The following TXLNB variants were observed in gnomAD, a reference collection of about 807,000 sequenced individuals.
TXLNB encodes beta-taxilin.
TXLNB carries 37 observed loss-of-function variants against 57.4 expected under a neutral mutation model. The ratio of observed to expected loss-of-function variants is 0.64; its 90% CI spans 0.50 to 0.85. The LOEUF (loss-of-function observed/expected upper bound fraction) is 0.85, where lower values mean the gene tolerates loss of function less well. TXLNB is among the 40% of genes least tolerant of loss of function. TXLNB has a pLI of 0.00. For synonymous variants in TXLNB, 302 were observed against 309.6 expected, an observed-to-expected ratio of 0.98 and a Z score of 0.26; for missense variants, 848 against 825.6, an observed-to-expected ratio of 1.03 and a Z score of -0.33.
At chr6:139,226,961 A>T in the TXLNB span, among the ~76,000 whole-genome samples, 1 of 152,168 alleles carries the variant, frequency 6.6e-6, no homozygotes, top group East Asian at 1.9e-4. Flanking sequence ...CAGGAGGTGG[A>T]AGTTGCCATG....
chr6:139,204,124 C>G, the TXLNB span, among the ~76,000 whole-genome samples: 1 of 151,910 alleles, frequency 6.6e-6, no homozygotes, highest in African/African-American at 2.4e-5. Flanking sequence ...GATCTCAGCT[C>G]ACTGCAACCT....
the TXLNB span, among the ~76,000 whole-genome samples, chr6:139,195,477 G>T: frequency 6.6e-6 from 1 of 152,134 alleles, no homozygotes; most frequent in Non-Finnish European, 1.5e-5. Flanking sequence ...TGCATAGCTA[G>T]AGTGTCTAAC....
At chr6:139,205,122 C>G in the TXLNB span, among the ~76,000 whole-genome samples, 1 of 152,234 alleles carries the variant, frequency 6.6e-6, no homozygotes, top group Non-Finnish European at 1.5e-5. Flanking sequence ...AAGCTCACAT[C>G]CCACTGTTAC....
chr6:139,218,606 G>T, the TXLNB span, among the ~76,000 whole-genome samples: 1 of 152,132 alleles, frequency 6.6e-6, no homozygotes, highest in Non-Finnish European at 1.5e-5. Flanking sequence ...CAAAAAATTA[G>T]CCAGGCATGG....
chr6:139,173,340 G>A, the TXLNB span, among the ~76,000 whole-genome samples: 1 of 152,154 alleles, frequency 6.6e-6, no homozygotes. Flanking sequence ...GAGTCTACAA[G>A]GATGACTAAG....
At chr6:139,261,262 C>T (rs1199488705) in intron 5 of TXLNB, among the ~76,000 whole-genome samples, 2 of 152,176 alleles carry the variant, frequency 1.3e-5, no homozygotes, top group Non-Finnish European at 2.9e-5. Context: ...TGGACATTTT[C>T]CTTTCACTCC....
intron 7 of TXLNB, among the ~76,000 whole-genome samples, chr6:139,253,234 C>G (rs1002893951): frequency 6.6e-6 from 1 of 152,164 alleles, no homozygotes; most frequent in Non-Finnish European, 1.5e-5. Context: ...AGACACTGAG[C>G]AAAATGCTTT....
At chr6:139,289,235 A>G (rs1405536889) in intron 1 of TXLNB, among the ~76,000 whole-genome samples, 1 of 152,184 alleles carries the variant, frequency 6.6e-6, no homozygotes, top group Non-Finnish European at 1.5e-5. Context: ...TATGTTATCT[A>G]TAGATTACAG....
chr6:139,179,657 T>C, the TXLNB span: 1 of 152,182 alleles, frequency 6.6e-6, no homozygotes, highest in Admixed American at 6.5e-5. Context: ...TAAAATATAA[T>C]CGAATATTCA....
At chr6:139,232,697 T>C in the TXLNB span, among the ~76,000 whole-genome samples, 490 of 152,324 alleles carry the variant, frequency 3.2e-3, 1 homozygote, top group African/African-American at 0.011. Context: ...CCACTAACTG[T>C]CTCATCAATT....
rs1323540926 is a variant in TXLNB at position 139,240,372 on chromosome 6, T to C, written c.*2154A>G. 1 of 152,696 alleles carries C rather than the reference T, an allele frequency of 6.5e-6. No individual in the cohort carries two copies. The highest frequency in any genetic ancestry group is 1.5e-5 in the Non-Finnish European group (1 of 68,054). The allele number at this position is 152,696 out of a possible 1,614,324, so 9.5% of individuals were successfully genotyped here. On this transcript the variant is annotated 3_prime_UTR_variant, in exon 10 of 10. Transcript: ENST00000358430. ...TCTGAAACTCTGTCCAAGATATACA[T>C]GGCTGTGAGTAATGTGTTTCTGTGA...
the TXLNB span, among the ~76,000 whole-genome samples, chr6:139,193,348 G>A: frequency 6.8e-6 from 1 of 147,390 alleles, no homozygotes; most frequent in Non-Finnish European, 1.5e-5. Context: ...CTAGCCTAGA[G>A]TTCTCCTCTA....
chr6:139,171,589 C>T, the TXLNB span, among the ~76,000 whole-genome samples: 1 of 152,160 alleles, frequency 6.6e-6, no homozygotes, highest in Non-Finnish European at 1.5e-5. Context: ...TCTTCAATCA[C>T]CAATTACTGA....
the TXLNB span, among the ~76,000 whole-genome samples, chr6:139,311,146 G>A: frequency 8.5e-5 from 13 of 152,176 alleles, no homozygotes; most frequent in South Asian, 4.1e-4. Context: ...GAGCTGGTTT[G>A]GCCAGCCTAT....
rs1192953123 is a variant in TXLNB, at chr6:139,241,690, G to GTCCC, written c.*835_*836insGGGA. On this transcript the variant is annotated 3_prime_UTR_variant, in exon 10 of 10. Transcript: ENST00000358430. Reference sequence around the variant, plus strand: ...TCTTTTCTGTTTTGGGCCCCTTGTGGTCATCTTTGTGTCCATGCTGTCTGC... The same window carrying GTCCC: ...TCTTTTCTGTTTTGGGCCCCTTGTGGTCCCTCATCTTTGTGTCCATGCTGTCTGC... 6.6e-6 allele frequency: 1 copy of GTCCC among 152,200 alleles called. No individual in the cohort carries two copies. Among genetic ancestry groups the GTCCC allele is most frequent in the African/African-American group, 2.4e-5 (1 of 41,432 alleles). The allele number at this position is 152,200 out of a possible 1,614,324, so 9.4% of individuals were successfully genotyped here.
At chr6:139,184,806 A>G in the TXLNB span, among the ~76,000 whole-genome samples, 1 of 152,122 alleles carries the variant, frequency 6.6e-6, no homozygotes, top group African/African-American at 2.4e-5. Flanking sequence ...GGTATCCCAG[A>G]CTGTTGAGGG....
the TXLNB span, among the ~76,000 whole-genome samples, chr6:139,188,363 G>A: frequency 1.1e-4 from 17 of 152,274 alleles, no homozygotes; most frequent in South Asian, 4.1e-4. Context: ...TGTGACAGCC[G>A]TATTTGTTTT....
At chr6:139,199,215 G>A in the TXLNB span, among the ~76,000 whole-genome samples, 1 of 150,348 alleles carries the variant, frequency 6.7e-6, no homozygotes, top group African/African-American at 2.4e-5. Context: ...ATTTTTTTTT[G>A]CAAACTAAAT....
chr6:139,177,328 G>T, the TXLNB span: 2 of 366,482 alleles, frequency 5.5e-6, no homozygotes, highest in Admixed American at 4.1e-5. The surrounding 1 kb of genome is among the most constrained non-coding windows in gnomAD (Gnocchi z 4.9). Flanking sequence ...CTGTGCATTT[G>T]GGTTGGGGTT....
Sources: allele counts gnomAD v4.1 joint callset (sites outside exome capture counted in the v4.1 genomes callset), GRCh38; gene constraint gnomAD v4.1.1; non-coding constraint Gnocchi (gnomAD v3.1); transcripts MANE v1.5; gene names NCBI Gene and HGNC (gene_info 2026-07-23, HGNC 2026-07-21).